The following NDUFAF2 variants were observed in gnomAD, a reference collection of about 807,000 sequenced individuals.
The protein encoded by NDUFAF2 is NADH:ubiquinone oxidoreductase complex assembly factor 2.
Under a neutral mutation model 22.8 loss-of-function variants are expected in NDUFAF2, and 13 were observed. The observed-to-expected ratio is 0.57, with a 90% CI of 0.37 to 0.91. The LOEUF (loss-of-function observed/expected upper bound fraction) is 0.91, where lower values mean the gene tolerates loss of function less well. NDUFAF2 is among the 40% of genes least tolerant of loss of function. The probability of loss-of-function intolerance (pLI) is 0.01; values close to 1 mark genes in which losing one functional copy is unlikely to be tolerated. For missense variants in NDUFAF2, 162 were observed against 195.2 expected (o/e 0.83, Z 1.01); for synonymous variants, 53 against 64.2 (o/e 0.83, Z 0.84).
intron 3 of NDUFAF2, among the ~76,000 whole-genome samples, chr5:61,142,908 G>T (rs1006031045): frequency 6.6e-6 from 1 of 152,070 alleles, no homozygotes; most frequent in Non-Finnish European, 1.5e-5. Flanking sequence ...TTTCGTAGAT[G>T]AAAAAGGGTG....
At chr5:61,132,200 G>T (rs940917610) in intron 3 of NDUFAF2, among the ~76,000 whole-genome samples, 87 of 152,278 alleles carry the variant, frequency 5.7e-4, no homozygotes, top group African/African-American at 2.0e-3. Context: ...ATGAAAGCAG[G>T]ACTGTGTTTT....
At chr5:61,040,284 A>ACGCGCGCGCGCG (rs1297710611) in intron 1 of NDUFAF2, among the ~76,000 whole-genome samples, 39 of 87,238 alleles carry the variant, frequency 4.5e-4, no homozygotes, top group East Asian at 1.8e-3. Context: ...ACACACACAC[A>ACGCGCGCGCGCG]CACGCGCGCG....
At chr5:61,055,944 T>C (rs1752081567) in intron 1 of NDUFAF2, among the ~76,000 whole-genome samples, 1 of 152,224 alleles carries the variant, frequency 6.6e-6, no homozygotes, top group South Asian at 2.1e-4. Flanking sequence ...TGTCTATTAA[T>C]ATCATATACA....
intron 3 of NDUFAF2, among the ~76,000 whole-genome samples, chr5:61,108,239 T>C (rs1354514906): frequency 6.7e-6 from 1 of 148,814 alleles, no homozygotes; most frequent in Non-Finnish European, 1.5e-5. Context: ...CTGGGTCAAA[T>C]GGTATTTCTA....
At chr5:61,020,654 C>T (rs1751569717) in intron 1 of NDUFAF2, among the ~76,000 whole-genome samples, 1 of 151,934 alleles carries the variant, frequency 6.6e-6, no homozygotes, top group Non-Finnish European at 1.5e-5. Flanking sequence ...AGGGCTTAAG[C>T]AATCCTCCTA....
chr5:60,977,936 A>G (rs866258122), intron 1 of NDUFAF2, among the ~76,000 whole-genome samples: 26 of 152,262 alleles, frequency 1.7e-4, no homozygotes, highest in African/African-American at 5.8e-4. Context: ...AAGCACCTTT[A>G]TGAGAACCAG....
At position 60,953,024 on chromosome 5, in the gene NDUFAF2, G is replaced by A. The variant is rs191613559; in HGVS notation, c.127+7642G>A. 1.5e-3 allele frequency among the ~76,000 whole-genome samples: 230 copies of A among 152,190 alleles called. 5 individuals carry two copies. The highest frequency in any genetic ancestry group is 0.014 in the Admixed American group (218 of 15,298). On this transcript the variant is annotated intron_variant, in intron 1 of 3. Coordinates refer to ENST00000296597, the MANE Select transcript of NDUFAF2 (RefSeq NM_174889.5). ...TATATGTAATTGGATACCATGAGGG[G>A]TAAAGGTCATTTTGCAGGTCAAAAA...
chr5:60,976,662 A>T (rs1021317603), intron 1 of NDUFAF2, among the ~76,000 whole-genome samples: 8 of 151,968 alleles, frequency 5.3e-5, no homozygotes, highest in Non-Finnish European at 1.2e-4. Context: ...AGCTTAAAAG[A>T]TTTTCTTGTC....
At chr5:61,090,479 G>T (rs1476091283) in intron 2 of NDUFAF2, among the ~76,000 whole-genome samples, 1 of 151,960 alleles carries the variant, frequency 6.6e-6, no homozygotes, top group Non-Finnish European at 1.5e-5. Flanking sequence ...AAAAGTGGTA[G>T]GCTAAACTTG....
chr5:61,111,256 C>T (rs1752837082), intron 3 of NDUFAF2, among the ~76,000 whole-genome samples: 1 of 152,100 alleles, frequency 6.6e-6, no homozygotes, highest in African/African-American at 2.4e-5. Context: ...TGAGAATGAT[C>T]CATGTGCTTA....
chr5:60,961,957 T>A lies in NDUFAF2; in HGVS notation c.127+16575T>A, dbSNP rs1466644859. On this transcript the variant is annotated intron_variant, in intron 1 of 3. Transcript: ENST00000296597. ...GCCTGAGTGACACAGCAAGACTCTT[T>A]CTCTAAAAAAAAAAAAATCTTAAAA... Among the ~76,000 whole-genome samples, 5 of 151,400 alleles carry A rather than the reference T, an allele frequency of 3.3e-5. No homozygotes were observed. In the East Asian group the frequency reaches 9.7e-4, roughly 29 times the overall value.
intron 1 of NDUFAF2, among the ~76,000 whole-genome samples, chr5:60,965,044 GCCAATTGTCA>G (rs1750736724): frequency 6.6e-6 from 1 of 152,020 alleles, no homozygotes; most frequent in Admixed American, 6.6e-5. Context: ...CCCAAACCTG[GCCAATTGTCA>G]GAATTTCCCC....
At chr5:61,068,614 T>C (rs1394801625) in intron 1 of NDUFAF2, among the ~76,000 whole-genome samples, 1 of 152,140 alleles carries the variant, frequency 6.6e-6, no homozygotes, top group Non-Finnish European at 1.5e-5. Context: ...CAGGTCATTT[T>C]TATTTTTTTC....
rs1486015933 is a variant in NDUFAF2, at chr5:61,014,343, C to T, written c.128-58782C>T. On this transcript the variant is annotated intron_variant, in intron 1 of 3. Coordinates refer to ENST00000296597, the MANE Select transcript of NDUFAF2 (RefSeq NM_174889.5). ...ATCTACATGCCAGGAGGGTGGCACA[C>T]CTCAGCTCCATGGGGACAGAAGTTC... Among the ~76,000 whole-genome samples, 3 of 152,190 alleles carry T rather than the reference C, an allele frequency of 2.0e-5. No homozygotes were observed. In the East Asian group the frequency reaches 5.8e-4, roughly 29 times the overall value.
intron 3 of NDUFAF2, among the ~76,000 whole-genome samples, chr5:61,125,997 G>A (rs549880462): frequency 9.3e-4 from 142 of 152,076 alleles, no homozygotes; most frequent in African/African-American, 3.2e-3. Flanking sequence ...AAATAATACA[G>A]TAGTACCAAA....
chr5:61,023,843 T>C (rs1005300668), intron 1 of NDUFAF2, among the ~76,000 whole-genome samples: 1 of 152,170 alleles, frequency 6.6e-6, no homozygotes, highest in South Asian at 2.1e-4. Context: ...TGCTCAGTTC[T>C]TGATCCCCCA....
intron 1 of NDUFAF2, among the ~76,000 whole-genome samples, chr5:61,034,508 C>T (rs1035587562): frequency 6.6e-6 from 1 of 152,148 alleles, no homozygotes; most frequent in Non-Finnish European, 1.5e-5. Flanking sequence ...GGACCACTGT[C>T]ATAGATGTGG....
intron 1 of NDUFAF2, among the ~76,000 whole-genome samples, chr5:61,072,423 T>C (rs1036152120): frequency 2.6e-5 from 4 of 152,092 alleles, no homozygotes; most frequent in African/African-American, 9.7e-5. Flanking sequence ...TGAATATCGA[T>C]TTTCTTGGGT....
intron 1 of NDUFAF2, among the ~76,000 whole-genome samples, chr5:60,990,498 T>C (rs1561536240): frequency 6.6e-6 from 1 of 152,296 alleles, no homozygotes; most frequent in East Asian, 1.9e-4. Context: ...AATATATAAA[T>C]GTTATGTACA....
Sources: allele counts gnomAD v4.1 joint callset (sites outside exome capture counted in the v4.1 genomes callset), GRCh38; gene constraint gnomAD v4.1.1; transcripts MANE v1.5; gene names NCBI Gene and HGNC (gene_info 2026-07-23, HGNC 2026-07-21).